Variants in AKAP8 observed in about 807,000 individuals in gnomAD.
The protein encoded by AKAP8 is A-kinase anchor protein 8.
AKAP8 carries 24 observed loss-of-function variants against 67.5 expected under a neutral mutation model. That is an observed-to-expected ratio of 0.36 (90% CI 0.26 to 0.50). The LOEUF (loss-of-function observed/expected upper bound fraction) is 0.50, where lower values mean the gene tolerates loss of function less well. AKAP8 is among the 20% of genes least tolerant of loss of function. AKAP8 has a pLI of 0.97. For missense variants in AKAP8, 971 were observed against 955.9 expected, an observed-to-expected ratio of 1.02 and a Z score of -0.21; for synonymous variants, 400 against 371.1, an observed-to-expected ratio of 1.08 and a Z score of -0.90.
Position 15,374,202 on chromosome 19 carries a change from C to T in AKAP8, c.92-137G>A, listed in dbSNP as rs553309910. The T allele has an allele frequency of 3.7e-5, 40 of 1,070,140 alleles. No individual in the cohort carries two copies. The East Asian group carries it at 9.6e-4, about 26-fold the overall frequency. The allele number at this position is 1,070,140 out of a possible 1,614,324, so 66.3% of individuals were successfully genotyped here. On this transcript the variant is annotated intron_variant, in intron 3 of 13. Coordinates refer to ENST00000269701, the MANE Select transcript of AKAP8 (RefSeq NM_005858.4). ...ACCCAGTGCTGCTGGCATCACTTCA[C>T]ACTGCACTGTGACCTGCCAAGAGGC...
chr19:15,365,187 G>A (rs920140561), intron 9 of AKAP8, among the ~76,000 whole-genome samples: 2 of 152,186 alleles, frequency 1.3e-5, no homozygotes, highest in African/African-American at 4.8e-5. Context: ...CAGCTTCTCA[G>A]ATGAGTTCCT....
chr19:15,375,081 A>C (rs1172331802), intron 2 of AKAP8, among the ~76,000 whole-genome samples: 1 of 152,208 alleles, frequency 6.6e-6, no homozygotes, highest in African/African-American at 2.4e-5. Context: ...GCCACGAGCG[A>C]CTTGGAAGGC....
At chr19:15,375,885 G>A (rs1217197845) in intron 2 of AKAP8, among the ~76,000 whole-genome samples, 3 of 151,580 alleles carry the variant, frequency 2.0e-5, no homozygotes, top group African/African-American at 4.8e-5. Context: ...TGATCTGCCC[G>A]CCTCGGCCTC....
intron 9 of AKAP8, among the ~76,000 whole-genome samples, chr19:15,364,349 TTTTA>T (rs771520031): frequency 2.0e-5 from 3 of 150,878 alleles, no homozygotes; most frequent in African/African-American, 4.9e-5. Context: ...TTTTATTTTA[TTTTA>T]TTTATTTATT....
At chr19:15,356,957 C>CA (rs1180309790) in intron 13 of AKAP8, among the ~76,000 whole-genome samples, 2 of 151,952 alleles carry the variant, frequency 1.3e-5, no homozygotes. Flanking sequence ...AGTGAAACCC[C>CA]ATCTCTCTTT....
Position 15,373,261 on chromosome 19 carries a change from T to C in AKAP8, c.451A>G (p.Ser151Gly). Residue 151 changes from serine to glycine, a missense_variant, in exon 5 of 14, where the codon AGC (serine) becomes GGC (glycine). Transcript: ENST00000269701. ...CCCAGGTCGAACTCATAGTCGTAGC[T>C]GTAGCTGGGGCGGTAGGGGTTGTGC... is the stretch of plus-strand genomic sequence containing the variant. Reference protein sequence around the residue: ...PEHNPYRPSYSYDYEFDLGSD... With the variant: ...PEHNPYRPSYGYDYEFDLGSD... 1 of 1,613,966 alleles carries C rather than the reference T, an allele frequency of 6.2e-7. No homozygotes were observed. The highest frequency in any genetic ancestry group is 1.7e-5 in the Admixed American group (1 of 60,014).
intron 7 of AKAP8, among the ~76,000 whole-genome samples, chr19:15,371,487 A>G (rs1208964001): frequency 2.6e-5 from 4 of 151,764 alleles, no homozygotes; most frequent in Non-Finnish European, 5.9e-5. Context: ...TTGTAAGTTG[A>G]AAACTTTTTT....
chr19:15,378,777 C>T (rs568582044), intron 1 of AKAP8, among the ~76,000 whole-genome samples: 30 of 152,354 alleles, frequency 2.0e-4, no homozygotes, highest in African/African-American at 7.2e-4. Flanking sequence ...CCAACTATCC[C>T]CTGTGGGCAA....
At chr19:15,364,780 G>A (rs564659704) in intron 9 of AKAP8, among the ~76,000 whole-genome samples, 10 of 152,148 alleles carry the variant, frequency 6.6e-5, no homozygotes, top group African/African-American at 1.9e-4. Context: ...GTGAGCCACC[G>A]CACCCAGACT....
intron 6 of AKAP8, 28 bp downstream of exon 6, chr19:15,372,190 T>G (rs1599569508): frequency 6.2e-7 from 1 of 1,613,272 alleles, no homozygotes; most frequent in Non-Finnish European, 8.5e-7. Flanking sequence ...CCTACATCTG[T>G]CTGGCCCACC....
At chr19:15,366,461 G>A (rs917113096) in intron 9 of AKAP8, among the ~76,000 whole-genome samples, 19 of 150,860 alleles carry the variant, frequency 1.3e-4, no homozygotes, top group African/African-American at 4.4e-4. Context: ...TCCTGGCTTC[G>A]TTTTGCTAAG....
rs1966978023 is a variant in AKAP8 at position 15,362,199 on chromosome 19, T to G, written c.1213A>C (p.Ile405Leu). 6.2e-7 allele frequency: 1 copy of G among 1,614,058 alleles called. No homozygotes were observed. Reference sequence around the variant, plus strand: ...AATTTGCTTTGCAGATGCTTCTGGATCTCTTCGTCATCAAAGCTACGGAAC... The same window carrying G: ...AATTTGCTTTGCAGATGCTTCTGGAGCTCTTCGTCATCAAAGCTACGGAAC... ...CKFRSFDDEE[I>L]QKHLQSKFHK... Residue 405 changes from isoleucine (I) to leucine (L), a missense_variant, in exon 10 of 14, where the codon ATC (isoleucine) becomes CTC (leucine). Around this residue, in one of 3 missense-constraint regions of AKAP8, gnomAD observed 763 missense variants for 745.4 expected, o/e 1.02. Coordinates refer to ENST00000269701, the MANE Select transcript of AKAP8 (RefSeq NM_005858.4).
intron 13 of AKAP8, 21 bp from the exon 14 acceptor site, chr19:15,355,391 G>A (rs757266360): frequency 7.4e-5 from 119 of 1,597,782 alleles, no homozygotes; most frequent in South Asian, 6.2e-4. Context: ...AGGAAACACC[G>A]GTCAGCGTGG....
intron 9 of AKAP8, among the ~76,000 whole-genome samples, chr19:15,366,483 T>C (rs923927706): frequency 6.6e-5 from 10 of 150,936 alleles, no homozygotes; most frequent in African/African-American, 1.9e-4. Context: ...ATTTCTCTCT[T>C]TTTTTTTTGA....
At chr19:15,370,201 G>A (rs1353759374) in intron 7 of AKAP8, 22 bp from the exon 8 acceptor site, 6 of 1,613,890 alleles carry the variant, frequency 3.7e-6, no homozygotes, top group Middle Eastern at 3.3e-4. Context: ...TATACACAAA[G>A]TCCGGCAGTG....
intron 1 of AKAP8, 74 bp downstream of exon 1, chr19:15,379,639 G>T: frequency 6.6e-7 from 1 of 1,524,802 alleles, no homozygotes; most frequent in Non-Finnish European, 8.8e-7. Flanking sequence ...CCGGCCGGCG[G>T]CAGTCTGCGC....
chr19:15,369,082 C>T lies in AKAP8; in HGVS notation c.1073-760G>A, dbSNP rs1442545896. 20 of 985,362 alleles carry T rather than the reference C, an allele frequency of 2.0e-5. No homozygotes were observed. The highest frequency in any genetic ancestry group is 2.2e-5 in the Non-Finnish European group (18 of 830,032). 61.0% of individuals were successfully genotyped at this position (985,362 alleles called of 1,614,324 possible). On this transcript the variant is annotated intron_variant, in intron 8 of 13. Transcript: ENST00000269701. The surrounding 1 kb of genome is among the most constrained non-coding windows in gnomAD (Gnocchi z 4.6). The stretch of plus-strand genomic sequence containing the variant: ...TAACCCCTACCCCTGATGCCAGTCC[C>T]GAGACTGTCCCACGAAGATGGCGAC...
rs372276967 is a variant in AKAP8 at position 15,373,958 on chromosome 19, C to T, written c.199G>A (p.Gly67Ser). 21 of 1,613,800 alleles carry T rather than the reference C, an allele frequency of 1.3e-5. No homozygotes were observed. Among genetic ancestry groups the T allele is most frequent in the East Asian group, 6.7e-5 (3 of 44,878 alleles). The part of the protein sequence containing the change: ...SWEAAKANDG[G>S]LAAGAPAMHM... ...ATGGCAGGGGCCCCGGCCGCCAGGC[C>T]GCCATCATTGGCCTTGGCGGCCTCC... Residue 67 changes from glycine to serine, a missense_variant, in exon 4 of 14, where the codon GGC becomes AGC. Around this residue, in one of 3 missense-constraint regions of AKAP8, gnomAD observed 763 missense variants for 745.4 expected, o/e 1.02. Transcript: ENST00000269701.
rs754057316 is a variant in AKAP8 at position 15,360,904 on chromosome 19, G to T, written c.1471C>A (p.Gln491Lys). The change falls in exon 12 of 14, where the codon CAG becomes AAG. Residue 491 changes from glutamine (Q) to lysine (K), a missense_variant. Around this residue, in one of 3 missense-constraint regions of AKAP8, gnomAD observed 763 missense variants for 745.4 expected, o/e 1.02. Transcript: ENST00000269701. ...AGGTGCCGCTGGAGGAGCTGCGGCT[G>T]TGCAGGAATTAGCATGTCGCAGGCC... ...CLACDMLIPA[Q>K]PQLLQRHLHS... The T allele has an allele frequency of 1.9e-6, 3 of 1,613,780 alleles. No individual in the cohort carries two copies. The Admixed American group carries it at 5.0e-5, about 27-fold the overall frequency.
Sources: allele counts gnomAD v4.1 joint callset (sites outside exome capture counted in the v4.1 genomes callset), GRCh38; gene constraint gnomAD v4.1.1; regional missense constraint gnomAD v4.1.1; non-coding constraint Gnocchi (gnomAD v3.1); transcripts MANE v1.5; gene names NCBI Gene and HGNC (gene_info 2026-07-23, HGNC 2026-07-21).